Variants in LHFPL6 observed in about 807,000 individuals in gnomAD.
The protein encoded by LHFPL6 is LHFPL tetraspan subfamily member 6 protein.
LHFPL6 carries 9 observed loss-of-function variants against 20.6 expected under a neutral mutation model. The observed-to-expected ratio is 0.44, with a 90% CI of 0.26 to 0.76. LHFPL6 has a LOEUF of 0.76. Ranked by LOEUF, LHFPL6 falls within the 30% of genes least tolerant of loss-of-function variation. LHFPL6 has a pLI of 0.20. For missense variants in LHFPL6, 218 were observed against 253.5 expected (o/e 0.86, Z 0.95); for synonymous variants, 105 against 98.7 (o/e 1.06, Z -0.38).
intron 2 of LHFPL6, among the ~76,000 whole-genome samples, chr13:39,393,822 T>A (rs539441292): frequency 6.6e-6 from 1 of 152,286 alleles, no homozygotes; most frequent in East Asian, 1.9e-4. Flanking sequence ...GTGGGCAGTT[T>A]GGTTTCTTGT....
intron 3 of LHFPL6, among the ~76,000 whole-genome samples, chr13:39,359,947 G>A (rs1463202747): frequency 7.9e-5 from 12 of 152,178 alleles, no homozygotes; most frequent in Non-Finnish European, 1.5e-4. Flanking sequence ...CACGCAGTAT[G>A]CCTCGATGTA....
chr13:39,428,824 A>C (rs1488708676), intron 2 of LHFPL6, among the ~76,000 whole-genome samples: 2 of 152,156 alleles, frequency 1.3e-5, no homozygotes, highest in Non-Finnish European at 2.9e-5. Flanking sequence ...ATTTCCCTCT[A>C]AATATTGCTC....
chr13:39,451,457 T>C (rs1048278308), intron 2 of LHFPL6, among the ~76,000 whole-genome samples: 6 of 152,204 alleles, frequency 3.9e-5, no homozygotes, highest in African/African-American at 1.2e-4. Flanking sequence ...TGAGAAACAG[T>C]TGGCCTGTAG....
intron 2 of LHFPL6, among the ~76,000 whole-genome samples, chr13:39,522,600 C>T (rs1017486454): frequency 2.0e-5 from 3 of 152,192 alleles, no homozygotes; most frequent in Admixed American, 6.5e-5. Context: ...TCAGCTTGCA[C>T]ACTGCCATTA....
intron 2 of LHFPL6, among the ~76,000 whole-genome samples, chr13:39,508,499 C>T (rs968087205): frequency 8.5e-5 from 13 of 152,204 alleles, no homozygotes; most frequent in African/African-American, 3.1e-4. Context: ...CTATACTCCC[C>T]ATCCTAGAAA....
At chr13:39,415,348 T>C (rs1871321951) in intron 2 of LHFPL6, among the ~76,000 whole-genome samples, 1 of 152,080 alleles carries the variant, frequency 6.6e-6, no homozygotes, top group Non-Finnish European at 1.5e-5. Flanking sequence ...GAAGGAAAAG[T>C]AGTTCAGCAA....
At chr13:39,527,210 A>T (rs1022480022) in intron 2 of LHFPL6, among the ~76,000 whole-genome samples, 1 of 152,236 alleles carries the variant, frequency 6.6e-6, no homozygotes, top group African/African-American at 2.4e-5. Flanking sequence ...CTGAATGATG[A>T]CTGTAAGATG....
rs376446144 is a variant in LHFPL6 at position 39,560,504 on chromosome 13, C to CTTTTTT, written c.385+40322_385+40327dup. On this transcript the variant is annotated intron_variant, in intron 2 of 3. Transcript: ENST00000379589. The stretch of plus-strand genomic sequence containing the variant: ...ATCTCCTTTGGGTTATGCAAATTCT[C>CTTTTTT]TTTTTTTTTTTTTTTTTTTTCTTTT... 8.0e-4 allele frequency among the ~76,000 whole-genome samples: 94 copies of CTTTTTT among 118,170 alleles called. 1 individual carries two copies. Among genetic ancestry groups the CTTTTTT allele is most frequent in the Non-Finnish European group, 1.0e-3 (62 of 59,958 alleles). The allele number at this position is 118,170 out of a possible 152,430, so 77.5% of individuals were successfully genotyped here.
At chr13:39,474,439 T>C (rs528604551) in intron 2 of LHFPL6, among the ~76,000 whole-genome samples, 2 of 152,340 alleles carry the variant, frequency 1.3e-5, no homozygotes, top group South Asian at 2.1e-4. Flanking sequence ...AAGTTACTTT[T>C]ATTCATATTT....
chr13:39,543,850 G>C (rs1870888147), intron 2 of LHFPL6, among the ~76,000 whole-genome samples: 1 of 152,190 alleles, frequency 6.6e-6, no homozygotes, highest in Non-Finnish European at 1.5e-5. Flanking sequence ...GCCAATTTGT[G>C]TAAAGCAGAC....
chr13:39,345,536 A>AAAAAAAAAAAAAAAAAAAAAAAAAAT (rs1869376407), intron 3 of LHFPL6, among the ~76,000 whole-genome samples: 1 of 145,806 alleles, frequency 6.9e-6, no homozygotes, highest in Non-Finnish European at 1.5e-5. Context: ...AAAAAAAAAA[A>AAAAAAAAAAAAAAAAAAAAAAAAAAT]AAAAGAAAGA....
intron 2 of LHFPL6, among the ~76,000 whole-genome samples, chr13:39,495,034 C>T (rs958587643): frequency 6.6e-6 from 1 of 152,098 alleles, no homozygotes; most frequent in Non-Finnish European, 1.5e-5. Flanking sequence ...ATGACTGCAC[C>T]CCACTCTCCC....
At chr13:39,393,713 A>G (rs1281957188) in intron 2 of LHFPL6, among the ~76,000 whole-genome samples, 2 of 152,140 alleles carry the variant, frequency 1.3e-5, no homozygotes, top group Non-Finnish European at 2.9e-5. Flanking sequence ...CAATCACAAA[A>G]CACCACAGAC....
intron 3 of LHFPL6, among the ~76,000 whole-genome samples, chr13:39,374,335 C>T (rs1271401501): frequency 2.0e-5 from 3 of 152,078 alleles, no homozygotes; most frequent in Admixed American, 2.0e-4. Context: ...ACACTAAGTA[C>T]TCATGGACAT....
chr13:39,458,275 C>T (rs769961536), intron 2 of LHFPL6, among the ~76,000 whole-genome samples: 12 of 151,920 alleles, frequency 7.9e-5, no homozygotes, highest in Non-Finnish European at 1.5e-4. Flanking sequence ...CAAAACAAAA[C>T]AAAGCAAAAT....
At chr13:39,547,383 G>A (rs958563395) in intron 2 of LHFPL6, among the ~76,000 whole-genome samples, 3 of 152,016 alleles carry the variant, frequency 2.0e-5, no homozygotes, top group African/African-American at 7.3e-5. Context: ...GTCACAGAAA[G>A]AAATCAAAAT....
intron 2 of LHFPL6, among the ~76,000 whole-genome samples, chr13:39,536,894 T>C (rs1459582255): frequency 6.6e-6 from 1 of 152,172 alleles, no homozygotes; most frequent in Non-Finnish European, 1.5e-5. Context: ...TGAAGCATGA[T>C]TTGTTATTTT....
chr13:39,451,283 CTTTTG>C (rs1240167178), intron 2 of LHFPL6, among the ~76,000 whole-genome samples: 1 of 152,108 alleles, frequency 6.6e-6, no homozygotes, highest in Non-Finnish European at 1.5e-5. Context: ...AAAACCTGAA[CTTTTG>C]TTTTATTCTG....
chr13:39,508,515 C>A (rs544647354), intron 2 of LHFPL6, among the ~76,000 whole-genome samples: 16 of 152,194 alleles, frequency 1.1e-4, no homozygotes, highest in Non-Finnish European at 1.9e-4. Context: ...AGAAAACCAT[C>A]CATCTGCTTT....
Sources: allele counts gnomAD v4.1 joint callset (sites outside exome capture counted in the v4.1 genomes callset), GRCh38; gene constraint gnomAD v4.1.1; transcripts MANE v1.5; gene names NCBI Gene and HGNC (gene_info 2026-07-23, HGNC 2026-07-21).